The following ADAMTS16 variants were observed in gnomAD, a reference collection of about 807,000 sequenced individuals.
ADAMTS16 encodes the protein ADAM metallopeptidase with thrombospondin type 1 motif 16.
Under a neutral mutation model 145.8 loss-of-function variants are expected in ADAMTS16, and 94 were observed. The observed-to-expected ratio is 0.64, with a 90% CI of 0.55 to 0.77. The LOEUF (loss-of-function observed/expected upper bound fraction) is 0.77. Among genes scored for constraint, ADAMTS16 ranks in the 30% least tolerant of loss-of-function variants. The pLI, the probability that ADAMTS16 is intolerant of heterozygous loss-of-function variation, is 0.00. For missense variants in ADAMTS16, 1,585 were observed against 1,591.5 expected, an observed-to-expected ratio of 1.00 and a Z score of 0.07; for synonymous variants, 659 against 604.3, an observed-to-expected ratio of 1.09 and a Z score of -1.33.
chr5:5,156,042 TC>T (rs1204710958), intron 3 of ADAMTS16, among the ~76,000 whole-genome samples: 1 of 152,146 alleles, frequency 6.6e-6, no homozygotes, highest in Admixed American at 6.6e-5. Flanking sequence ...GCGTAGACAG[TC>T]CGCAGGGGCT....
At chr5:5,187,618 A>T in intron 5 of ADAMTS16, 107 bp from the exon 6 acceptor site, 1 of 754,532 alleles carries the variant, frequency 1.3e-6, no homozygotes, top group African/African-American at 1.8e-5. Flanking sequence ...AAGAAAGTTA[A>T]CAGTGCTCTG....
At chr5:5,168,635 TA>T (rs1202051721) in intron 3 of ADAMTS16, among the ~76,000 whole-genome samples, 1,248 of 52,042 alleles carry the variant, frequency 0.024, 12 homozygotes, top group African/African-American at 0.041. Context: ...TTATATATAA[TA>T]TATATAATTA....
chr5:5,305,333 CCA>C (rs775222764), intron 20 of ADAMTS16, among the ~76,000 whole-genome samples: 872 of 49,222 alleles, frequency 0.018, 89 homozygotes, highest in Non-Finnish European at 0.033. Context: ...CACATCCACA[CCA>C]CACACACACA....
intron 11 of ADAMTS16, among the ~76,000 whole-genome samples, chr5:5,229,009 T>C (rs879928200): frequency 4.6e-5 from 7 of 152,156 alleles, no homozygotes; most frequent in Non-Finnish European, 7.3e-5. Flanking sequence ...TTTAAGAAGT[T>C]CTAAGTTGGC....
At chr5:5,163,652 C>G (rs1284219910) in intron 3 of ADAMTS16, among the ~76,000 whole-genome samples, 2 of 152,192 alleles carry the variant, frequency 1.3e-5, no homozygotes, top group African/African-American at 2.4e-5. Flanking sequence ...TGTCTTTAGT[C>G]TGTGTCAGTG....
At chr5:5,263,316 G>A (rs1334981346) in intron 18 of ADAMTS16, among the ~76,000 whole-genome samples, 3 of 152,170 alleles carry the variant, frequency 2.0e-5, no homozygotes, top group Non-Finnish European at 4.4e-5. Flanking sequence ...CGGGTTCTCT[G>A]AGGCAGGAGG....
At chr5:5,140,821 C>A (rs1456937531) in intron 2 of ADAMTS16, 55 bp downstream of exon 2, 4 of 1,466,604 alleles carry the variant, frequency 2.7e-6, no homozygotes, top group Non-Finnish European at 3.7e-6. Flanking sequence ...CTCGTAATCT[C>A]CGTGCCGCTG....
intron 21 of ADAMTS16, among the ~76,000 whole-genome samples, chr5:5,314,306 A>G (rs1733945765): frequency 6.6e-6 from 1 of 152,236 alleles, no homozygotes; most frequent in Non-Finnish European, 1.5e-5. Context: ...TGTGGCCTCC[A>G]GGAATTAGCA....
At chr5:5,288,311 A>G (rs995248539) in intron 18 of ADAMTS16, among the ~76,000 whole-genome samples, 4 of 152,222 alleles carry the variant, frequency 2.6e-5, no homozygotes, top group Non-Finnish European at 5.9e-5. Context: ...CAAAAGAAAG[A>G]AAAATGAACC....
chr5:5,166,960 G>A (rs927300494), intron 3 of ADAMTS16, among the ~76,000 whole-genome samples: 1 of 152,128 alleles, frequency 6.6e-6, no homozygotes, highest in Non-Finnish European at 1.5e-5. Context: ...CTTCATCAAA[G>A]CCGTCACTGA....
At chr5:5,297,504 G>T (rs1379471589) in intron 18 of ADAMTS16, among the ~76,000 whole-genome samples, 1 of 152,138 alleles carries the variant, frequency 6.6e-6, no homozygotes, top group Non-Finnish European at 1.5e-5. Context: ...TTGAACGAGG[G>T]AATTACTGAG....
chr5:5,146,939 G>A (rs1040354323), intron 3 of ADAMTS16, among the ~76,000 whole-genome samples: 4 of 152,130 alleles, frequency 2.6e-5, no homozygotes, highest in African/African-American at 4.8e-5. Context: ...ACACATTAGG[G>A]CATTCATCCA....
In ADAMTS16 at chr5:5,155,827, C is replaced by T. The variant is rs142841275; in HGVS notation, c.501+9372C>T. 1.3e-3 allele frequency among the ~76,000 whole-genome samples: 195 copies of T among 151,958 alleles called. 2 individuals carry two copies. The highest frequency in any genetic ancestry group is 4.5e-3 in the African/African-American group (188 of 41,434). ...GGAACAGACAGAAAGTCCACAGGAG[C>T]TGACAAGAAGTCCACAGGGGACAGA... On this transcript the variant is annotated intron_variant, in intron 3 of 22. Transcript: ENST00000274181.
At chr5:5,227,980 G>A (rs148803277) in intron 11 of ADAMTS16, among the ~76,000 whole-genome samples, 52 of 152,272 alleles carry the variant, frequency 3.4e-4, no homozygotes, top group Middle Eastern at 3.4e-3. Flanking sequence ...AAGTGGAAAC[G>A]TAGGATGGAA....
chr5:5,314,273 T>C (rs568214778), intron 21 of ADAMTS16, among the ~76,000 whole-genome samples: 1 of 152,200 alleles, frequency 6.6e-6, no homozygotes, highest in Non-Finnish European at 1.5e-5. Context: ...GACTTCACAG[T>C]AAGAAAATAA....
At chr5:5,194,927 C>T (rs752012734) in intron 8 of ADAMTS16, among the ~76,000 whole-genome samples, 2 of 152,130 alleles carry the variant, frequency 1.3e-5, no homozygotes, top group African/African-American at 4.8e-5. Context: ...TGTTTACATT[C>T]GGAGGACATT....
intron 9 of ADAMTS16, among the ~76,000 whole-genome samples, chr5:5,207,906 G>A (rs2126311550): frequency 6.6e-6 from 1 of 152,204 alleles, no homozygotes; most frequent in Admixed American, 6.5e-5. Context: ...TTCTTCTCAT[G>A]CATTGTTGGA....
intron 2 of ADAMTS16, among the ~76,000 whole-genome samples, chr5:5,142,928 C>T (rs1734203770): frequency 6.6e-6 from 1 of 152,204 alleles, no homozygotes; most frequent in Non-Finnish European, 1.5e-5. Context: ...TGATCTTTGG[C>T]ACATCTGACA....
At chr5:5,311,671 C>T (rs925201632) in intron 21 of ADAMTS16, among the ~76,000 whole-genome samples, 4 of 151,766 alleles carry the variant, frequency 2.6e-5, no homozygotes, top group South Asian at 2.1e-4. Context: ...CTCAGCCCCC[C>T]GAGTAGCTGG....
Sources: gnomAD v4.1 joint callset for allele counts (sites outside exome capture counted in the v4.1 genomes callset) on GRCh38, gnomAD v4.1.1 for gene constraint, MANE v1.5 for transcripts, NCBI Gene and HGNC (gene_info 2026-07-23, HGNC 2026-07-21) for gene names.